The following PASK variants were observed in gnomAD, a reference collection of about 807,000 sequenced individuals.
The protein encoded by PASK is PAS domain containing serine/threonine kinase.
A neutral mutation model predicts 121.0 loss-of-function variants in PASK; 110 were observed. The observed-to-expected ratio is 0.91, with a 90% CI of 0.78 to 1.06. The LOEUF (loss-of-function observed/expected upper bound fraction) is 1.06. Among genes scored for constraint, PASK ranks in the 50% least tolerant of loss-of-function variants. The pLI, the probability that PASK is intolerant of heterozygous loss-of-function variation, is 0.00. For missense variants in PASK, 1,643 were observed against 1,702.3 expected, an observed-to-expected ratio of 0.97 and a Z score of 0.61; for synonymous variants, 686 against 717.8, an observed-to-expected ratio of 0.96 and a Z score of 0.71.
rs773737144 is a variant in PASK at position 241,126,606 on chromosome 2, G to C, written c.2309C>G (p.Pro770Arg). 3 of 1,614,190 alleles carry C rather than the reference G, an allele frequency of 1.9e-6. No homozygotes were observed. Among genetic ancestry groups the C allele is most frequent in the Admixed American group, 1.7e-5 (1 of 60,032 alleles). ...ATCGGAGCCCACTGCCAAGGAAGAG[G>C]GTGTCTCTCTGAGTTCAGACGTAGC... ...SCATSELRET[P>R]SSLAVGSDPD... The change falls in exon 10 of 18, where the codon CCC (proline) becomes CGC (arginine). Residue 770 changes from proline to arginine, a missense_variant. Physicochemically the swap from Pro to Arg is moderately radical, Grantham distance 103. Coordinates refer to ENST00000234040, the MANE Select transcript of PASK (RefSeq NM_015148.4).
chr2:241,122,396 G>A (rs2065652362), intron 12 of PASK, among the ~76,000 whole-genome samples: 1 of 152,226 alleles, frequency 6.6e-6, no homozygotes, highest in Non-Finnish European at 1.5e-5. Context: ...GAGCATCTCA[G>A]TGGGGAGTAG....
Position 241,127,308 on chromosome 2 carries a change from T to C in PASK, c.1607A>G (p.Glu536Gly), listed in dbSNP as rs2065914877. Reference sequence around the variant, plus strand: ...AGCAAATGGCTTCACATCCACTGGTTCAGACCTGCTTTCTCCCAGAAGATC... The same window carrying C: ...AGCAAATGGCTTCACATCCACTGGTCCAGACCTGCTTTCTCCCAGAAGATC... ...GQDLLGESRSEPVDVKPFASC... is the reference protein window; with the variant it reads ...GQDLLGESRSGPVDVKPFASC... The change falls in exon 10 of 18, where the codon GAA becomes GGA. Residue 536 changes from glutamate (E) to glycine (G), a missense_variant. This residue lies in a region of PASK where 1,176 missense variants were observed against 1,162.2 expected (regional missense o/e 1.01). Coordinates refer to ENST00000234040, the MANE Select transcript of PASK (RefSeq NM_015148.4). 1 of 1,614,242 alleles carries C rather than the reference T, an allele frequency of 6.2e-7. No individual in the cohort carries two copies. Among genetic ancestry groups the C allele is most frequent in the Non-Finnish European group, 8.5e-7 (1 of 1,180,042 alleles).
At chr2:241,133,330 A>C (rs934447296) in intron 8 of PASK, 2 of 441,216 alleles carry the variant, frequency 4.5e-6, no homozygotes, top group Admixed American at 3.4e-5. Context: ...ATAGAAGCCG[A>C]AGTCTCGGCC....
At position 241,122,723 on chromosome 2, in the gene PASK, C is replaced by G. The variant is rs1454662194; in HGVS notation, c.3072+9G>C. 5 of 1,613,668 alleles carry G rather than the reference C, an allele frequency of 3.1e-6. No homozygotes were observed. The highest frequency in any genetic ancestry group is 2.7e-5 in the African/African-American group (2 of 74,928). ...GCCCGGCGCCACTCCCCCCCCACAG[C>G]CAGGTTACCTCCTTGTTTTTTTCCT... is the stretch of plus-strand genomic sequence containing the variant. On this transcript the variant is annotated intron_variant, in intron 12 of 17. Coordinates refer to ENST00000234040, the MANE Select transcript of PASK (RefSeq NM_015148.4).
chr2:241,116,291 C>A (rs2065366435), intron 12 of PASK, among the ~76,000 whole-genome samples: 1 of 152,240 alleles, frequency 6.6e-6, no homozygotes, highest in Non-Finnish European at 1.5e-5. Context: ...GTGATAAACG[C>A]CTGCAGCACA....
chr2:241,137,507 T>A (rs375628298), intron 6 of PASK, among the ~76,000 whole-genome samples: 55 of 151,978 alleles, frequency 3.6e-4, no homozygotes, highest in African/African-American at 1.3e-3. Flanking sequence ...CCAGGGCAAG[T>A]GAGACACCCC....
intron 12 of PASK, chr2:241,118,811 G>A: frequency 1.9e-6 from 1 of 538,238 alleles, no homozygotes; most frequent in Non-Finnish European, 2.6e-6. Flanking sequence ...AGGCCAGCGT[G>A]TACACCAAGC....
intron 9 of PASK, among the ~76,000 whole-genome samples, chr2:241,131,334 G>C (rs1276111699): frequency 6.6e-6 from 1 of 152,034 alleles, no homozygotes; most frequent in African/African-American, 2.4e-5. Flanking sequence ...ATTTTTAGTA[G>C]AGACGGGGTT....
intron 5 of PASK, among the ~76,000 whole-genome samples, chr2:241,138,352 G>A (rs567445721): frequency 1.3e-3 from 197 of 152,300 alleles, no homozygotes; most frequent in African/African-American, 4.2e-3. Flanking sequence ...TCACATATGA[G>A]GGCTGTCTCT....
chr2:241,123,892 A>G, intron 11 of PASK, 57 bp downstream of exon 11: 2 of 1,391,374 alleles, frequency 1.4e-6, no homozygotes, highest in South Asian at 1.2e-5. Context: ...GCCAACTAGG[A>G]TATTTGCCAC....
chr2:241,122,093 A>C (rs13429301), intron 12 of PASK, among the ~76,000 whole-genome samples: 31,406 of 152,182 alleles, frequency 0.21, 4,925 homozygotes, highest in East Asian at 0.44. Context: ...ATATGAAAAT[A>C]TGTGATACAC....
intron 10 of PASK, among the ~76,000 whole-genome samples, chr2:241,125,477 G>A (rs902596692): frequency 7.9e-5 from 12 of 151,560 alleles, no homozygotes; most frequent in Non-Finnish European, 1.0e-4. Context: ...GTGGGTGCCT[G>A]TAGTCCCAGC....
At chr2:241,138,578 G>T in intron 5 of PASK, 76 bp downstream of exon 5, 2 of 1,516,560 alleles carry the variant, frequency 1.3e-6, no homozygotes, top group Non-Finnish European at 9.1e-7. Flanking sequence ...AATGAGACAG[G>T]GACCAGCACT....
chr2:241,127,224 A>G lies in PASK; in HGVS notation c.1691T>C (p.Met564Thr), dbSNP rs1222362830. The G allele has an allele frequency of 1.1e-5, 17 of 1,614,112 alleles. No homozygotes were observed. Among genetic ancestry groups the G allele is most frequent in the Non-Finnish European group, 1.4e-5 (17 of 1,180,034 alleles). The change falls in exon 10 of 18, where the codon ATG (methionine) becomes ACG (threonine). Residue 564 changes from methionine (M) to threonine (T), a missense_variant. Transcript: ENST00000234040. ...PAEDGGSDAG[M>T]CGLCQKAQLE... ...CTGGGCCTTCTGACACAGGCCACAC[A>G]TGCCAGCATCACTGCCCCCATCCTC...
At chr2:241,142,464 G>A (rs773504512) in intron 2 of PASK, among the ~76,000 whole-genome samples, 1 of 152,246 alleles carries the variant, frequency 6.6e-6, no homozygotes, top group Non-Finnish European at 1.5e-5. Context: ...GCTAAACCGC[G>A]TTTAGCTCAG....
intron 12 of PASK, chr2:241,119,025 C>A: frequency 2.4e-6 from 2 of 845,404 alleles, no homozygotes; most frequent in Non-Finnish European, 2.9e-6. Context: ...CAGCCCGTTC[C>A]CAGCCCTGAG....
upstream of PASK, chr2:241,149,674 A>C: frequency 6.5e-7 from 1 of 1,547,366 alleles, no homozygotes; most frequent in Non-Finnish European, 8.7e-7. Context: ...CGGGCCGGGC[A>C]GATGCGGTTT....
chr2:241,130,582 G>A (rs988085437), intron 9 of PASK, among the ~76,000 whole-genome samples: 13 of 152,036 alleles, frequency 8.6e-5, no homozygotes, highest in Admixed American at 2.0e-4. Context: ...GGAGAGGTGC[G>A]CACAGCAATA....
chr2:241,108,170 T>C lies in PASK; in HGVS notation c.3664A>G (p.Lys1222Glu), dbSNP rs1457467594. 7 of 1,614,048 alleles carry C rather than the reference T, an allele frequency of 4.3e-6. No individual in the cohort carries two copies. The African/African-American group carries it at 8.0e-5, about 18-fold the overall frequency. ...ACCACTTGCAGCTCACGCTCACCTTTGGACACCAGGTATGGCGGGTGTATG... is the reference window on the plus strand; with the variant it reads ...ACCACTTGCAGCTCACGCTCACCTTCGGACACCAGGTATGGCGGGTGTATG... Reference protein sequence around the residue: ...AAIHPPYLVSKELMSLVSGLL... With the variant: ...AAIHPPYLVSEELMSLVSGLL... Residue 1222 changes from lysine (K) to glutamate (E), a missense_variant, in exon 16 of 18, where the codon AAA (lysine) becomes GAA (glutamate). Physicochemically the swap from Lys to Glu is moderately conservative, Grantham distance 56 (BLOSUM62 1). This residue lies in a region of PASK where 453 missense variants were observed against 511.2 expected (regional missense o/e 0.89). Transcript: ENST00000234040. The surrounding 1 kb of genome is among the most constrained non-coding windows in gnomAD (Gnocchi z 5.2).
Sources: allele counts gnomAD v4.1 joint callset (sites outside exome capture counted in the v4.1 genomes callset), GRCh38; gene constraint gnomAD v4.1.1; regional missense constraint gnomAD v4.1.1; non-coding constraint Gnocchi (gnomAD v3.1); transcripts MANE v1.5; gene names NCBI Gene and HGNC (gene_info 2026-07-23, HGNC 2026-07-21).